Variants in STXBP5L observed in about 807,000 individuals in gnomAD.
STXBP5L encodes syntaxin binding protein 5L.
Under a neutral mutation model 144.5 loss-of-function variants are expected in STXBP5L, and 65 were observed. The ratio of observed to expected loss-of-function variants is 0.45; its 90% CI spans 0.37 to 0.55. The LOEUF (loss-of-function observed/expected upper bound fraction) is 0.55. Among genes scored for constraint, STXBP5L ranks in the 20% least tolerant of loss-of-function variants. The pLI, the probability that STXBP5L is intolerant of heterozygous loss-of-function variation, is 0.00. For synonymous variants in STXBP5L, 505 were observed against 469.6 expected (o/e 1.08, Z -0.97); for missense variants, 1,298 against 1,405.5 (o/e 0.92, Z 1.22).
At chr3:120,955,108 A>C in intron 3 of STXBP5L, 71 bp downstream of exon 3, 3 of 1,070,374 alleles carry the variant, frequency 2.8e-6, no homozygotes, top group Middle Eastern at 2.0e-4. Context: ...TTCAGGTAAG[A>C]TAAATATTTA....
At chr3:121,207,595 CT>C (rs1348472676) in intron 10 of STXBP5L, among the ~76,000 whole-genome samples, 6 of 152,078 alleles carry the variant, frequency 3.9e-5, no homozygotes, top group Non-Finnish European at 8.8e-5. Context: ...TGACAAAGGG[CT>C]AATATCCAGA....
At chr3:121,188,127 C>G (rs1249195209) in intron 9 of STXBP5L, among the ~76,000 whole-genome samples, 3 of 152,056 alleles carry the variant, frequency 2.0e-5, no homozygotes, top group Admixed American at 6.5e-5. Flanking sequence ...GACAGATCAT[C>G]AAGAGAGAAA....
At chr3:121,119,266 T>G (rs987127895) in intron 6 of STXBP5L, among the ~76,000 whole-genome samples, 1 of 151,448 alleles carries the variant, frequency 6.6e-6, no homozygotes, top group African/African-American at 2.4e-5. Context: ...GTAGTAACTT[T>G]CCTTATGTAG....
intron 9 of STXBP5L, among the ~76,000 whole-genome samples, chr3:121,182,485 C>A (rs1268352098): frequency 6.6e-6 from 1 of 152,028 alleles, no homozygotes; most frequent in Non-Finnish European, 1.5e-5. Flanking sequence ...ATAATCATTA[C>A]ACAACTTATC....
At chr3:121,021,206 A>G (rs912473035) in intron 3 of STXBP5L, among the ~76,000 whole-genome samples, 7 of 152,194 alleles carry the variant, frequency 4.6e-5, no homozygotes, top group African/African-American at 7.2e-5. Flanking sequence ...TTAGTCCAAC[A>G]GGAAAATATG....
At chr3:121,249,018 C>T (rs2049948973) in intron 14 of STXBP5L, among the ~76,000 whole-genome samples, 1 of 152,086 alleles carries the variant, frequency 6.6e-6, no homozygotes, top group Non-Finnish European at 1.5e-5. Context: ...GTTTTTGTAC[C>T]AGTACCATGC....
chr3:121,393,306 G>C (rs1560051417), intron 22 of STXBP5L, among the ~76,000 whole-genome samples: 6 of 151,750 alleles, frequency 4.0e-5, no homozygotes, highest in Admixed American at 3.9e-4. Context: ...AATTGCTTGA[G>C]TTCCTTGCAG....
intron 3 of STXBP5L, among the ~76,000 whole-genome samples, chr3:120,983,481 A>T (rs1213689928): frequency 6.6e-6 from 1 of 152,136 alleles, no homozygotes; most frequent in African/African-American, 2.4e-5. Flanking sequence ...TACTGATGGC[A>T]GACCCAGGGT....
At chr3:120,964,750 G>T (rs1172016130) in intron 3 of STXBP5L, among the ~76,000 whole-genome samples, 3 of 152,170 alleles carry the variant, frequency 2.0e-5, no homozygotes, top group African/African-American at 7.2e-5. Context: ...ATATTCTGTT[G>T]ATTTGGGGTG....
intron 3 of STXBP5L, among the ~76,000 whole-genome samples, chr3:120,994,308 G>T (rs944472506): frequency 6.6e-6 from 1 of 152,000 alleles, no homozygotes; most frequent in African/African-American, 2.4e-5. Flanking sequence ...GCTCTGGCTA[G>T]AATTTTCAGT....
At position 121,422,289 on chromosome 3, in the gene STXBP5L, G is replaced by C. The variant is rs1375239014; in HGVS notation, c.*3192G>C. Reference sequence around the variant, plus strand: ...ATACAGAAAGTGACTCTGAGCCTTAGTTACCATCAAAATTACATTCTATCT... The same window carrying C: ...ATACAGAAAGTGACTCTGAGCCTTACTTACCATCAAAATTACATTCTATCT... On this transcript the variant is annotated 3_prime_UTR_variant, in exon 27 of 27. Coordinates refer to ENST00000471454, the MANE Select transcript of STXBP5L (RefSeq NM_001308330.2). 2 of 152,128 alleles carry C rather than the reference G, an allele frequency of 1.3e-5. No homozygotes were observed. Among genetic ancestry groups the C allele is most frequent in the Non-Finnish European group, 2.9e-5 (2 of 68,016 alleles). The allele number at this position is 152,128 out of a possible 1,614,324, so 9.4% of individuals were successfully genotyped here.
At chr3:121,136,628 G>A (rs548646562) in intron 7 of STXBP5L, among the ~76,000 whole-genome samples, 1 of 152,268 alleles carries the variant, frequency 6.6e-6, no homozygotes, top group African/African-American at 2.4e-5. Context: ...CACTGCTGGT[G>A]GGAATGTAAA....
At chr3:121,051,396 A>G (rs35345840) in intron 5 of STXBP5L, among the ~76,000 whole-genome samples, 32,440 of 152,170 alleles carry the variant, frequency 0.21, 3,686 homozygotes, top group Non-Finnish European at 0.26. Flanking sequence ...CTCTCAGACA[A>G]CAGTGCAATC....
At chr3:120,937,341 G>A (rs1371165635) in intron 2 of STXBP5L, among the ~76,000 whole-genome samples, 2 of 152,158 alleles carry the variant, frequency 1.3e-5, no homozygotes, top group Non-Finnish European at 2.9e-5. Flanking sequence ...AAAGTGAGTT[G>A]CAGGTAAAAC....
At chr3:121,182,189 C>T (rs1336466442) in intron 9 of STXBP5L, among the ~76,000 whole-genome samples, 1 of 152,162 alleles carries the variant, frequency 6.6e-6, no homozygotes, top group Non-Finnish European at 1.5e-5. Context: ...CACATATTTA[C>T]AGAACATTCA....
Position 121,186,897 on chromosome 3 carries a change from TA to T in STXBP5L, c.878-19021del, listed in dbSNP as rs570227108. On this transcript the variant is annotated intron_variant, in intron 9 of 26. Coordinates refer to ENST00000471454, the MANE Select transcript of STXBP5L (RefSeq NM_001308330.2). ...TCACACCAGTTAGAATGGCAATCAT[TA>T]AAAAGTCAGGAAACAACAGGTGCTG... Among the ~76,000 whole-genome samples, 102 of 152,154 alleles carry T rather than the reference TA, an allele frequency of 6.7e-4. No individual in the cohort carries two copies. The East Asian group carries it at 0.017, about 25-fold the overall frequency.
chr3:120,979,405 G>A (rs541521422), intron 3 of STXBP5L, among the ~76,000 whole-genome samples: 8 of 152,302 alleles, frequency 5.3e-5, no homozygotes, highest in East Asian at 1.9e-4. Flanking sequence ...TCGGAAAAGC[G>A]CAGTATTAGG....
chr3:121,290,581 A>G (rs2051399578), intron 19 of STXBP5L, among the ~76,000 whole-genome samples: 1 of 152,148 alleles, frequency 6.6e-6, no homozygotes, highest in Admixed American at 6.5e-5. Flanking sequence ...CCCTAATATC[A>G]AAACCAAGAA....
chr3:120,976,499 C>T (rs139019253), intron 3 of STXBP5L, among the ~76,000 whole-genome samples: 4 of 152,198 alleles, frequency 2.6e-5, no homozygotes, highest in African/African-American at 9.6e-5. Context: ...AAATCAGCTC[C>T]TGGGTTCATT....
Sources: allele counts gnomAD v4.1 joint callset (sites outside exome capture counted in the v4.1 genomes callset), GRCh38; gene constraint gnomAD v4.1.1; transcripts MANE v1.5; gene names NCBI Gene and HGNC (gene_info 2026-07-23, HGNC 2026-07-21).